The following ELMO1 variants were observed in gnomAD, a reference collection of about 807,000 sequenced individuals.
ELMO1 encodes engulfment and cell motility protein 1.
In ELMO1, 26 loss-of-function variants were observed where a neutral mutation model predicts 98.9. That is an observed-to-expected ratio of 0.26 (90% CI 0.19 to 0.36). The LOEUF (loss-of-function observed/expected upper bound fraction) is 0.36. Among genes scored for constraint, ELMO1 ranks in the 10% least tolerant of loss-of-function variants. ELMO1 has a pLI of 1.00. For synonymous variants in ELMO1, 346 were observed against 346.0 expected, an observed-to-expected ratio of 1.00 and a Z score of 0.00; for missense variants, 627 against 935.2, an observed-to-expected ratio of 0.67 and a Z score of 4.30.
intron 4 of ELMO1, among the ~76,000 whole-genome samples, chr7:37,311,720 G>A (rs73112619): frequency 1.3e-3 from 192 of 152,256 alleles, no homozygotes; most frequent in Middle Eastern, 6.8e-3. Context: ...AGCTGCATGA[G>A]GAAGAGCAAT....
chr7:36,875,503 C>T (rs1315997255), intron 19 of ELMO1, among the ~76,000 whole-genome samples: 1 of 152,208 alleles, frequency 6.6e-6, no homozygotes, highest in East Asian at 1.9e-4. Flanking sequence ...GTTTTTGGAG[C>T]AGCTCTTTGG....
chr7:37,097,217 C>T (rs66569534), intron 14 of ELMO1, among the ~76,000 whole-genome samples: 1 of 152,034 alleles, frequency 6.6e-6, no homozygotes, highest in Non-Finnish European at 1.5e-5. Context: ...GGACCAATCA[C>T]AGTCCTTCCC....
At chr7:37,142,854 C>T (rs1337063909) in intron 13 of ELMO1, among the ~76,000 whole-genome samples, 1 of 152,136 alleles carries the variant, frequency 6.6e-6, no homozygotes, top group African/African-American at 2.4e-5. Context: ...CTAATTCTAA[C>T]AATTCCCCAA....
At chr7:36,946,439 CAA>C (rs1491271605) in intron 16 of ELMO1, among the ~76,000 whole-genome samples, 1 of 152,172 alleles carries the variant, frequency 6.6e-6, no homozygotes, top group African/African-American at 2.4e-5. Context: ...GCTATGAAGA[CAA>C]AGAGTTGTCA....
rs186752365 is a variant in ELMO1, at chr7:37,078,287, A to G, written c.1300+18332T>C. Reference sequence around the variant, plus strand: ...AAAGTACCTAGGGCACATGAAAGTAATAATATGGCTATAGTGTAGATGAAG... The same window carrying G: ...AAAGTACCTAGGGCACATGAAAGTAGTAATATGGCTATAGTGTAGATGAAG... On this transcript the variant is annotated intron_variant, in intron 15 of 21. Transcript: ENST00000310758. Among the ~76,000 whole-genome samples the G allele has an allele frequency of 4.2e-4, 64 of 152,360 alleles. No homozygotes were observed. The East Asian group carries it at 4.2e-3, about 10-fold the overall frequency.
At chr7:37,413,941 G>T (rs1405741253) in intron 1 of ELMO1, among the ~76,000 whole-genome samples, 2 of 152,140 alleles carry the variant, frequency 1.3e-5, no homozygotes, top group African/African-American at 4.8e-5. Context: ...CCCTCCCAGA[G>T]TGCTGGGATT....
intron 2 of ELMO1, among the ~76,000 whole-genome samples, chr7:37,332,566 A>C (rs1800192941): frequency 6.6e-6 from 1 of 152,260 alleles, no homozygotes; most frequent in Non-Finnish European, 1.5e-5. Context: ...ATGGAAGAAT[A>C]AACAGGTGTT....
At chr7:37,142,599 C>G (rs188914488) in intron 13 of ELMO1, among the ~76,000 whole-genome samples, 1 of 152,122 alleles carries the variant, frequency 6.6e-6, no homozygotes, top group Admixed American at 6.6e-5. Flanking sequence ...AAGTTGAATG[C>G]GTTTATTTTG....
intron 20 of ELMO1, 123 bp from the exon 21 acceptor site, chr7:36,861,859 G>GGCT: frequency 1.2e-6 from 1 of 843,968 alleles, no homozygotes; most frequent in East Asian, 2.5e-5. Flanking sequence ...GAGCTGCAAT[G>GGCT]AGGCTGATGG....
At chr7:37,214,189 T>G (rs1793150744) in intron 11 of ELMO1, among the ~76,000 whole-genome samples, 1 of 152,150 alleles carries the variant, frequency 6.6e-6, no homozygotes, top group Non-Finnish European at 1.5e-5. Context: ...AACTCAACAT[T>G]CAGCATTTGG....
intron 13 of ELMO1, among the ~76,000 whole-genome samples, chr7:37,183,233 C>G (rs150471122): frequency 1.3e-5 from 2 of 152,278 alleles, no homozygotes; most frequent in Admixed American, 6.5e-5. Context: ...ACAGGTCTAT[C>G]GAGAGTGAGC....
chr7:37,277,850 C>A (rs1310340360), intron 4 of ELMO1, among the ~76,000 whole-genome samples: 1 of 152,242 alleles, frequency 6.6e-6, no homozygotes, highest in African/African-American at 2.4e-5. Context: ...TCTTTACTGG[C>A]ATAACTTTAT....
chr7:37,067,479 A>G (rs1297140170), intron 15 of ELMO1, among the ~76,000 whole-genome samples: 1 of 152,172 alleles, frequency 6.6e-6, no homozygotes, highest in African/African-American at 2.4e-5. Flanking sequence ...TTATGTACAG[A>G]TATTTATTTT....
chr7:37,076,758 AGTGAT>A (rs2129230595), intron 15 of ELMO1, among the ~76,000 whole-genome samples: 1 of 152,300 alleles, frequency 6.6e-6, no homozygotes, highest in East Asian at 1.9e-4. Flanking sequence ...TCCGACTGCC[AGTGAT>A]GGTATCATCC....
At chr7:37,259,030 G>A (rs1016875014) in intron 6 of ELMO1, 151 bp downstream of exon 6, 12 of 827,358 alleles carry the variant, frequency 1.5e-5, no homozygotes, top group African/African-American at 5.3e-5. Context: ...CAAACCCACT[G>A]CCTCGCCACT....
chr7:36,886,052 C>T (rs1030623374), intron 18 of ELMO1, among the ~76,000 whole-genome samples: 1 of 152,204 alleles, frequency 6.6e-6, no homozygotes, highest in East Asian at 1.9e-4. Context: ...GTCCTTGCCA[C>T]TGAGCCCTGT....
At chr7:37,178,608 A>T (rs7385343) in intron 13 of ELMO1, among the ~76,000 whole-genome samples, 50 of 50,466 alleles carry the variant, frequency 9.9e-4, no homozygotes, top group African/African-American at 1.8e-3. Flanking sequence ...TCTCAAAAAA[A>T]TTTTTTTAAT....
At chr7:37,420,845 G>A (rs183388107) in intron 1 of ELMO1, among the ~76,000 whole-genome samples, 10 of 152,334 alleles carry the variant, frequency 6.6e-5, no homozygotes, top group African/African-American at 1.9e-4. Context: ...CACGTGACCT[G>A]TCCATCTTGC....
chr7:37,331,699 G>C (rs56052837), intron 2 of ELMO1, among the ~76,000 whole-genome samples: 1 of 152,128 alleles, frequency 6.6e-6, no homozygotes, highest in African/African-American at 2.4e-5. Flanking sequence ...AAGAGGTCCA[G>C]AGAGGGTGGC....
Sources: allele counts gnomAD v4.1 joint callset (sites outside exome capture counted in the v4.1 genomes callset), GRCh38; gene constraint gnomAD v4.1.1; transcripts MANE v1.5; gene names NCBI Gene and HGNC (gene_info 2026-07-23, HGNC 2026-07-21).